Variants in EFHC2 observed in about 807,000 individuals in gnomAD.
The protein encoded by EFHC2 is EF-hand domain containing 2.
In EFHC2, 18 loss-of-function variants were observed where a neutral mutation model predicts 52.7. That is an observed-to-expected ratio of 0.34 (90% confidence interval 0.24 to 0.51). The LOEUF is 0.51. EFHC2 is among the 20% of genes least tolerant of loss of function. The pLI, the probability that EFHC2 is intolerant of heterozygous loss-of-function variation, is 0.97. For synonymous variants in EFHC2, 203 were observed against 204.1 expected (o/e 0.99, Z 0.04); for missense variants, 513 against 562.5 (o/e 0.91, Z 0.89).
chrX:44,289,673 CTTTCTT>C (rs1489610114), intron 2 of EFHC2, among the ~76,000 whole-genome samples: 4 of 91,257 alleles, frequency 4.4e-5, no homozygotes, highest in African/African-American at 1.7e-4. Context: ...TCTTTCTTTT[CTTTCTT>C]TTTTTTTTTT....
At chrX:44,305,559 T>G (rs58947551) in intron 2 of EFHC2, among the ~76,000 whole-genome samples, 15,350 of 112,252 alleles carry the variant, frequency 0.14, 786 homozygotes, top group Admixed American at 0.21. Context: ...TGCTGAGTTT[T>G]GGGGCACCCC....
intron 14 of EFHC2, among the ~76,000 whole-genome samples, chrX:44,162,188 C>G (rs956472414): frequency 1.8e-5 from 2 of 111,650 alleles, no homozygotes; most frequent in Non-Finnish European, 3.8e-5. Flanking sequence ...TTTGGGAGGT[C>G]AAGGCAGGCA....
intron 8 of EFHC2, among the ~76,000 whole-genome samples, chrX:44,240,855 A>C (rs1404971316): frequency 8.9e-6 from 1 of 111,740 alleles, no homozygotes; most frequent in African/African-American, 3.3e-5. Context: ...AGAAGCATCA[A>C]ATCTAAAACT....
At chrX:44,248,978 C>A (rs1051475402) in intron 5 of EFHC2, 62 bp from the exon 6 acceptor site, 1 of 797,380 alleles carries the variant, frequency 1.3e-6, no homozygotes, top group East Asian at 3.4e-5. Flanking sequence ...CTTACTATAA[C>A]CCCAGGGCTG....
intron 13 of EFHC2, among the ~76,000 whole-genome samples, chrX:44,171,809 G>A (rs755044823): frequency 2.7e-5 from 3 of 111,468 alleles, no homozygotes; most frequent in Non-Finnish European, 5.6e-5. Context: ...ATCTGGGTGG[G>A]TGGATGGGTC....
At chrX:44,205,147 A>G (rs1488247531) in intron 11 of EFHC2, among the ~76,000 whole-genome samples, 1 of 111,663 alleles carries the variant, frequency 9.0e-6, no homozygotes. Context: ...CAGACAAGCA[A>G]ATGCTAAGGG....
intron 14 of EFHC2, among the ~76,000 whole-genome samples, chrX:44,155,660 G>T (rs1256714845): frequency 8.9e-6 from 1 of 112,064 alleles, no homozygotes; most frequent in Non-Finnish European, 1.9e-5. Flanking sequence ...GGAAAAGGAT[G>T]TTTCTATGAG....
At chrX:44,197,455 T>C (rs1432313857) in intron 11 of EFHC2, among the ~76,000 whole-genome samples, 1 of 111,576 alleles carries the variant, frequency 9.0e-6, no homozygotes, top group Non-Finnish European at 1.9e-5. Context: ...AGAAGAAATA[T>C]AATTTAGTTC....
chrX:44,228,007 TACAA>T (rs1340929327), intron 11 of EFHC2, among the ~76,000 whole-genome samples: 1 of 112,111 alleles, frequency 8.9e-6, no homozygotes, highest in African/African-American at 3.2e-5. Context: ...ACACTGGAAA[TACAA>T]ACAGACTCAC....
chrX:44,250,316 G>A lies in EFHC2; in HGVS notation c.736C>T (p.Arg246Cys), dbSNP rs754499688. ...WDDSVSMFGDRRELILHYFLC... is the reference protein window; with the variant it reads ...WDDSVSMFGDCRELILHYFLC... ...AAGTAATGCAGGATGAGTTCTCTAC[G>A]GTCTCCAAACATTGAGACTGAGTCA... Residue 246 changes from arginine (R) to cysteine (C), a missense_variant, in exon 5 of 15, where the codon CGT becomes TGT. Physicochemically the swap from Arg to Cys is radical, Grantham distance 180. Transcript: ENST00000420999. The A allele has an allele frequency of 5.8e-6, 7 of 1,210,760 alleles. No homozygotes were observed. The Admixed American group carries it at 8.7e-5, about 15-fold the overall frequency.
At chrX:44,280,272 G>T (rs6609290) in intron 2 of EFHC2, among the ~76,000 whole-genome samples, 6,599 of 110,166 alleles carry the variant, frequency 0.06, 238 homozygotes, top group East Asian at 0.26. Context: ...AAAAAAAACA[G>T]CATTTTACTC....
chrX:44,200,990 C>T (rs1343680973), intron 11 of EFHC2, among the ~76,000 whole-genome samples: 1 of 111,808 alleles, frequency 8.9e-6, no homozygotes, highest in Non-Finnish European at 1.9e-5. Context: ...GAGAAAAATA[C>T]ATGCATTGCA....
intron 13 of EFHC2, 71 bp from the exon 14 acceptor site, chrX:44,164,098 T>G: frequency 1.6e-6 from 1 of 640,114 alleles, no homozygotes. Context: ...CAGTTTCAAT[T>G]TTATCATGAA....
intron 1 of EFHC2, among the ~76,000 whole-genome samples, chrX:44,330,503 G>C (rs1161844242): frequency 4.5e-5 from 5 of 110,549 alleles, no homozygotes; most frequent in Admixed American, 9.7e-5. Context: ...ATTCTCAAAA[G>C]TTAACAGTAA....
At chrX:44,294,045 G>C (rs906370784) in intron 2 of EFHC2, among the ~76,000 whole-genome samples, 6 of 111,853 alleles carry the variant, frequency 5.4e-5, no homozygotes, top group Non-Finnish European at 7.5e-5. Context: ...AGGCATGCTT[G>C]TTTGGGGGAA....
At chrX:44,296,208 G>A (rs1345610781) in intron 2 of EFHC2, among the ~76,000 whole-genome samples, 1 of 111,464 alleles carries the variant, frequency 9.0e-6, no homozygotes, top group African/African-American at 3.3e-5. Flanking sequence ...TTAGCAGGCA[G>A]GGTATGTGGA....
chrX:44,313,713 G>C (rs1208082127), intron 1 of EFHC2, among the ~76,000 whole-genome samples: 2 of 111,292 alleles, frequency 1.8e-5, no homozygotes, highest in African/African-American at 6.5e-5. Context: ...CAGCACTTTG[G>C]GAGGCTGAGG....
At chrX:44,322,337 G>C (rs1459138086) in intron 1 of EFHC2, among the ~76,000 whole-genome samples, 1 of 112,307 alleles carries the variant, frequency 8.9e-6, no homozygotes, top group East Asian at 2.8e-4. Flanking sequence ...CTTGCACATA[G>C]TAGGTGTTCA....
chrX:44,277,954 G>C (rs773914905), intron 2 of EFHC2, among the ~76,000 whole-genome samples: 7 of 111,290 alleles, frequency 6.3e-5, no homozygotes, highest in African/African-American at 2.3e-4. Flanking sequence ...AGGCAAATTT[G>C]CAATCTGGGG....
Sources: allele counts gnomAD v4.1 joint callset (sites outside exome capture counted in the v4.1 genomes callset), GRCh38; gene constraint gnomAD v4.1.1; transcripts MANE v1.5; gene names NCBI Gene and HGNC (gene_info 2026-07-23, HGNC 2026-07-21).